Variants in AGBL2 observed in about 807,000 individuals in gnomAD.
AGBL2 encodes the protein cytosolic carboxypeptidase 2.
Under a neutral mutation model 103.0 loss-of-function variants are expected in AGBL2, and 87 were observed. The ratio of observed to expected loss-of-function variants is 0.84; its 90% CI spans 0.71 to 1.01. AGBL2 has a LOEUF of 1.01. Among genes scored for constraint, AGBL2 ranks in the 50% least tolerant of loss-of-function variants. The pLI is 0.00. For synonymous variants in AGBL2, 335 were observed against 356.7 expected, an observed-to-expected ratio of 0.94 and a Z score of 0.69; for missense variants, 904 against 1,023.5, an observed-to-expected ratio of 0.88 and a Z score of 1.59.
intron 11 of AGBL2, among the ~76,000 whole-genome samples, chr11:47,685,441 G>C (rs555475483): frequency 6.7e-6 from 1 of 149,928 alleles, no homozygotes; most frequent in Non-Finnish European, 1.5e-5. Flanking sequence ...TTTTTTTTGA[G>C]ATGGAGTTCT....
At chr11:47,696,019 A>G (rs1172197705) in intron 8 of AGBL2, among the ~76,000 whole-genome samples, 3 of 30,298 alleles carry the variant, frequency 9.9e-5, no homozygotes, top group Non-Finnish European at 1.8e-4. Context: ...ACAAAAAAAA[A>G]AAAAAAAAAA....
intron 13 of AGBL2, among the ~76,000 whole-genome samples, chr11:47,678,343 A>ATTATTATTTTTTTTTTTTTTTTTTTTTTT (rs2097385523): frequency 3.4e-5 from 4 of 116,872 alleles, no homozygotes; most frequent in East Asian, 2.9e-4. Context: ...TTATTATTTT[A>ATTATTATTTTTTTTTTTTTTTTTTTTTTT]TTTTTTTTGA....
chr11:47,662,960 A>G, intron 18 of AGBL2, 66 bp downstream of exon 18: 2 of 1,286,254 alleles, frequency 1.6e-6, no homozygotes, highest in Non-Finnish European at 1.1e-6. Flanking sequence ...ATCACATAAT[A>G]CATTTGAGAA....
At position 47,660,202 on chromosome 11, in the gene AGBL2, G is replaced by C. The variant is rs1248795743; in HGVS notation, c.2680C>G (p.Pro894Ala). Residue 894 changes from proline (P) to alanine (A), a missense_variant, in exon 19 of 19, where the codon CCA (proline) becomes GCA (alanine). Pro to Ala is a conservative substitution (Grantham distance 27, BLOSUM62 -1). Coordinates refer to ENST00000525123, the MANE Select transcript of AGBL2 (RefSeq NM_024783.4). ...KRGCAAMAAY[P>A]SLHIYTYP ...GGGTATGTGTATATGTGCAAGGATG[G>C]GTATGCCGCCATGGCAGCACAGCCT... is the stretch of plus-strand genomic sequence containing the variant. 2 of 1,614,084 alleles carry C rather than the reference G, an allele frequency of 1.2e-6. No individual in the cohort carries two copies. Among genetic ancestry groups the C allele is most frequent in the East Asian group, 2.2e-5 (1 of 44,882 alleles).
chr11:47,703,993 T>C (rs970741648), intron 7 of AGBL2, among the ~76,000 whole-genome samples: 1 of 150,118 alleles, frequency 6.7e-6, no homozygotes, highest in African/African-American at 2.5e-5. Flanking sequence ...TCCCAGCTAC[T>C]TGGGGGGCTT....
At chr11:47,690,021 T>G (rs1269435818) in intron 10 of AGBL2, 55 bp downstream of exon 10, 2 of 1,466,230 alleles carry the variant, frequency 1.4e-6, no homozygotes, top group East Asian at 2.3e-5. Flanking sequence ...GGTAGGGATA[T>G]CTGGTGCTAG....
At chr11:47,687,900 C>G (rs1215242400) in intron 10 of AGBL2, among the ~76,000 whole-genome samples, 2 of 151,384 alleles carry the variant, frequency 1.3e-5, no homozygotes, top group Non-Finnish European at 2.9e-5. Context: ...CTCTGCCTCC[C>G]AGGTTCAAGC....
intron 7 of AGBL2, among the ~76,000 whole-genome samples, chr11:47,702,801 G>A (rs1424194411): frequency 1.3e-5 from 2 of 152,028 alleles, no homozygotes; most frequent in Non-Finnish European, 2.9e-5. Flanking sequence ...TTGAACCCGG[G>A]AGGCGGAGGT....
chr11:47,703,170 C>T (rs558070741), intron 7 of AGBL2, among the ~76,000 whole-genome samples: 1 of 152,030 alleles, frequency 6.6e-6, no homozygotes, highest in African/African-American at 2.4e-5. Context: ...AAAACTATGT[C>T]GTGGTATATG....
At chr11:47,678,338 A>ATTTTTTTTTTTTTT (rs1196435610) in intron 13 of AGBL2, among the ~76,000 whole-genome samples, 43 of 95,280 alleles carry the variant, frequency 4.5e-4, no homozygotes, top group Admixed American at 7.3e-4. Context: ...TTATTTTATT[A>ATTTTTTTTTTTTTT]TTTTATTTTT....
chr11:47,690,658 T>C lies in AGBL2; in HGVS notation c.1049A>G (p.Asn350Ser), dbSNP rs2097441600. The change falls in exon 10 of 19, where the codon AAT (asparagine) becomes AGT (serine). Residue 350 changes from asparagine (N) to serine (S), a missense_variant. Coordinates refer to ENST00000525123, the MANE Select transcript of AGBL2 (RefSeq NM_024783.4). ...LYSQLDANTR[N>S]IGWRREGNEI... Reference sequence around the variant, plus strand: ...ATTTCCTTCTCTCCTCCAGCCAATATTGCGGGTGTTGGCATCCAATTGGGA... The same window carrying C: ...ATTTCCTTCTCTCCTCCAGCCAATACTGCGGGTGTTGGCATCCAATTGGGA... 2.5e-6 allele frequency: 4 copies of C among 1,614,178 alleles called. No homozygotes were observed. In the Middle Eastern group the frequency reaches 4.9e-4, roughly 200 times the overall value.
At chr11:47,664,001 C>T (rs1242811303) in intron 17 of AGBL2, among the ~76,000 whole-genome samples, 1 of 151,912 alleles carries the variant, frequency 6.6e-6, no homozygotes. Flanking sequence ...ATTACAGGCG[C>T]CTGCCACCAC....
intron 4 of AGBL2, among the ~76,000 whole-genome samples, chr11:47,707,421 A>G (rs2153805388): frequency 6.6e-6 from 1 of 152,310 alleles, no homozygotes; most frequent in East Asian, 1.9e-4. Flanking sequence ...GCAGAAGGCA[A>G]GGAGGAGCAA....
chr11:47,690,767 T>C lies in AGBL2; in HGVS notation c.940A>G (p.Lys314Glu). 6.2e-7 allele frequency: 1 copy of C among 1,614,094 alleles called. No homozygotes were observed. Among genetic ancestry groups the C allele is most frequent in the Non-Finnish European group, 8.5e-7 (1 of 1,180,020 alleles). Reference sequence around the variant, plus strand: ...ATGGTGAAGCGATAGGTAGCATCTTTTCTGGTGTTCTGAACACGAAAATAA... The same window carrying C: ...ATGGTGAAGCGATAGGTAGCATCTTCTCTGGTGTTCTGAACACGAAAATAA... ...WFYFRVQNTRKDATYRFTIVN... is the reference protein window; with the variant it reads ...WFYFRVQNTREDATYRFTIVN... Residue 314 changes from lysine (K) to glutamate (E), a missense_variant, in exon 10 of 19, where the codon AAA becomes GAA. Physicochemically the swap from Lys to Glu is moderately conservative, Grantham distance 56. Coordinates refer to ENST00000525123, the MANE Select transcript of AGBL2 (RefSeq NM_024783.4).
chr11:47,714,226 G>A (rs752281891), intron 3 of AGBL2, 58 bp downstream of exon 3: 28 of 1,372,242 alleles, frequency 2.0e-5, no homozygotes, highest in East Asian at 1.1e-4. Context: ...CCCAGCTAAC[G>A]AAGCAATTTT....
rs2097489422 is a variant in AGBL2, at chr11:47,699,431, G to A, written c.694+15C>T. On this transcript the variant is annotated intron_variant, in intron 8 of 18. Coordinates refer to ENST00000525123, the MANE Select transcript of AGBL2 (RefSeq NM_024783.4). ...GTCATGATTAACCATTCATTGTTCA[G>A]TGTAATGACAATACCTGAATCTAAT... 1 of 1,278,416 alleles carries A rather than the reference G, an allele frequency of 7.8e-7. No individual in the cohort carries two copies. The highest frequency in any genetic ancestry group is 1.2e-5 in the South Asian group (1 of 80,270). The allele number at this position is 1,278,416 out of a possible 1,614,324, so 79.2% of individuals were successfully genotyped here.
At chr11:47,664,030 T>C (rs1598885383) in intron 17 of AGBL2, among the ~76,000 whole-genome samples, 1 of 151,740 alleles carries the variant, frequency 6.6e-6, no homozygotes, top group East Asian at 1.9e-4. Flanking sequence ...AATTTTTATA[T>C]TTTTAGTGGA....
rs1158163126 is a variant in AGBL2, at chr11:47,660,316, A to C, written c.2566T>G (p.Ser856Ala). 1.9e-6 allele frequency: 3 copies of C among 1,613,930 alleles called. No homozygotes were observed. The Admixed American group carries it at 5.0e-5, about 27-fold the overall frequency. The change falls in exon 19 of 19, where the codon TCT becomes GCT. Residue 856 changes from serine to alanine, a missense_variant. Transcript: ENST00000525123. ...NKKPGFTVSCSPKRTINSSQE... is the reference protein window; with the variant it reads ...NKKPGFTVSCAPKRTINSSQE... ...CTGGAGTTTATGGTTCTCTTTGGAG[A>C]GCATGATACTGTAAAGCCTGGCTTC... is the stretch of plus-strand genomic sequence containing the variant.
chr11:47,659,939 A>G lies in AGBL2; in HGVS notation c.*234T>C, dbSNP rs1245372388. 2.5e-6 allele frequency: 1 copy of G among 395,232 alleles called. No individual in the cohort carries two copies. Among genetic ancestry groups the G allele is most frequent in the African/African-American group, 2.1e-5 (1 of 48,596 alleles). 24.5% of individuals were successfully genotyped at this position (395,232 alleles called of 1,614,324 possible). A position where few individuals can be genotyped will look rare whatever the true frequency, so the allele number is the denominator to read the frequency against. On this transcript the variant is annotated 3_prime_UTR_variant, in exon 19 of 19. Transcript: ENST00000525123. ...AACACACTTCAGTTTCTGATAAAGC[A>G]TTTTTACACATCATAATAAAATTTC...
Sources: gnomAD v4.1 joint callset for allele counts (sites outside exome capture counted in the v4.1 genomes callset) on GRCh38, gnomAD v4.1.1 for gene constraint, MANE v1.5 for transcripts, NCBI Gene and HGNC (gene_info 2026-07-23, HGNC 2026-07-21) for gene names.